Variants in MAGI1 observed in about 807,000 individuals in gnomAD.
MAGI1 encodes membrane associated guanylate kinase, WW and PDZ domain containing 1, also known as membrane-associated guanylate kinase, WW and PDZ domain-containing protein 1.
MAGI1 carries 58 observed loss-of-function variants against 139.9 expected under a neutral mutation model. The observed-to-expected ratio is 0.41, with a 90% CI of 0.34 to 0.52. The LOEUF (loss-of-function observed/expected upper bound fraction) is 0.52. Among genes scored for constraint, MAGI1 ranks in the 20% least tolerant of loss-of-function variants. The pLI is 0.12. For synonymous variants in MAGI1, 812 were observed against 737.9 expected, an observed-to-expected ratio of 1.10 and a Z score of -1.63; for missense variants, 1,874 against 1,901.6, an observed-to-expected ratio of 0.99 and a Z score of 0.27.
At chr3:65,486,639 G>A (rs1194405185) in intron 3 of MAGI1, among the ~76,000 whole-genome samples, 1 of 152,216 alleles carries the variant, frequency 6.6e-6, no homozygotes, top group African/African-American at 2.4e-5. Context: ...TGCCAATTCT[G>A]TTCAGTGACA....
At chr3:65,878,104 C>T (rs762709021) in intron 1 of MAGI1, among the ~76,000 whole-genome samples, 9 of 151,458 alleles carry the variant, frequency 5.9e-5, no homozygotes, top group Non-Finnish European at 1.2e-4. Context: ...GAGTGAGGTT[C>T]TGTCTCAAAA....
intron 1 of MAGI1, among the ~76,000 whole-genome samples, chr3:65,757,762 G>A (rs2036680556): frequency 6.6e-6 from 1 of 152,184 alleles, no homozygotes; most frequent in African/African-American, 2.4e-5. Context: ...TCAGCCACAT[G>A]ATTTAAAGAA....
At chr3:65,420,011 T>A (rs1946528449) in intron 12 of MAGI1, among the ~76,000 whole-genome samples, 1 of 152,152 alleles carries the variant, frequency 6.6e-6, no homozygotes, top group African/African-American at 2.4e-5. Context: ...ATCCTCTGTC[T>A]GCCCTACAGT....
rs536770807 is a variant in MAGI1 at position 65,601,003 on chromosome 3, C to T, written c.430+20969G>A. On this transcript the variant is annotated intron_variant, in intron 2 of 22. Transcript: ENST00000402939. Reference sequence around the variant, plus strand: ...AAATGAGAGTAAAAGGAGTTCCTGCCTCATGGAACTGTGATGAAGACTAAC... The same window carrying T: ...AAATGAGAGTAAAAGGAGTTCCTGCTTCATGGAACTGTGATGAAGACTAAC... 7.2e-5 allele frequency among the ~76,000 whole-genome samples: 11 copies of T among 152,224 alleles called. No homozygotes were observed. In the South Asian group the frequency reaches 1.7e-3, roughly 23 times the overall value.
At chr3:65,780,509 G>C (rs776458437) in intron 1 of MAGI1, among the ~76,000 whole-genome samples, 2 of 152,132 alleles carry the variant, frequency 1.3e-5, no homozygotes, top group Non-Finnish European at 2.9e-5. Flanking sequence ...GAGCCCTGGA[G>C]AGCTAACTTG....
Position 65,401,490 on chromosome 3 carries a change from G to C in MAGI1, c.2168-20C>G. ...GCAGCCCTGGAAAAAATGCAACAAG[G>C]AGGGGAGGGGGGAAGAAATCATTAG... On this transcript the variant is annotated intron_variant, in intron 12 of 22. Transcript: ENST00000402939. 1 of 1,610,846 alleles carries C rather than the reference G, an allele frequency of 6.2e-7. No individual in the cohort carries two copies. Among genetic ancestry groups the C allele is most frequent in the Non-Finnish European group, 8.5e-7 (1 of 1,178,580 alleles).
intron 1 of MAGI1, among the ~76,000 whole-genome samples, chr3:65,695,858 A>G (rs1045426032): frequency 3.9e-5 from 6 of 152,210 alleles, no homozygotes; most frequent in African/African-American, 1.4e-4. Flanking sequence ...GATGTCTGCC[A>G]TGAGTGTAGC....
chr3:65,457,514 G>A (rs1419984235), intron 5 of MAGI1, among the ~76,000 whole-genome samples: 1 of 152,068 alleles, frequency 6.6e-6, no homozygotes. Flanking sequence ...GCATTTTATA[G>A]TTTACAGTAT....
At chr3:65,719,017 C>CAAAAAAAAAAAAAAAAAAA (rs57290579) in intron 1 of MAGI1, among the ~76,000 whole-genome samples, 2 of 96,388 alleles carry the variant, frequency 2.1e-5, no homozygotes. Flanking sequence ...ATAACCCTAC[C>CAAAAAAAAAAAAAAAAAAA]AAAAAAAAAA....
At chr3:65,781,651 C>T (rs944504614) in intron 1 of MAGI1, among the ~76,000 whole-genome samples, 1 of 152,190 alleles carries the variant, frequency 6.6e-6, no homozygotes, top group Admixed American at 6.5e-5. Context: ...ACATTAAACT[C>T]GTATTATAGA....
chr3:65,375,987 G>T, intron 17 of MAGI1, 42 bp from the exon 18 acceptor site: 2 of 1,468,992 alleles, frequency 1.4e-6, no homozygotes, highest in South Asian at 1.2e-5. Flanking sequence ...AGTTACGTGG[G>T]AATATAGCAA....
chr3:65,742,802 C>G (rs879571030), intron 1 of MAGI1, among the ~76,000 whole-genome samples: 5 of 152,190 alleles, frequency 3.3e-5, no homozygotes, highest in Admixed American at 2.6e-4. Flanking sequence ...CTGTGAAAAC[C>G]TACAGCATTT....
chr3:65,556,080 G>C (rs762092248), intron 2 of MAGI1, among the ~76,000 whole-genome samples: 29 of 152,290 alleles, frequency 1.9e-4, no homozygotes, highest in Non-Finnish European at 3.5e-4. Flanking sequence ...GAGAGTTAGT[G>C]AATTAGTGTG....
At chr3:65,546,474 C>T (rs901172532) in intron 2 of MAGI1, among the ~76,000 whole-genome samples, 5 of 152,100 alleles carry the variant, frequency 3.3e-5, no homozygotes, top group Non-Finnish European at 5.9e-5. Flanking sequence ...CTTTTATAAG[C>T]AAATATTTTG....
At chr3:65,921,710 G>C (rs1265520579) in intron 1 of MAGI1, among the ~76,000 whole-genome samples, 2 of 152,088 alleles carry the variant, frequency 1.3e-5, no homozygotes, top group Non-Finnish European at 2.9e-5. Flanking sequence ...CTCAAGAAAA[G>C]GTCATTCCAC....
At chr3:65,682,076 C>T (rs749260576) in intron 1 of MAGI1, among the ~76,000 whole-genome samples, 3 of 151,878 alleles carry the variant, frequency 2.0e-5, no homozygotes, top group African/African-American at 4.8e-5. Context: ...TAGCTTTTAG[C>T]GTACTCAGAG....
At chr3:65,899,622 C>A (rs1411125548) in intron 1 of MAGI1, among the ~76,000 whole-genome samples, 2 of 152,150 alleles carry the variant, frequency 1.3e-5, no homozygotes, top group Admixed American at 1.3e-4. Context: ...GAGCTGAAAA[C>A]AGAAAGAACA....
chr3:65,632,021 T>C (rs947854222), intron 1 of MAGI1, among the ~76,000 whole-genome samples: 7 of 134,870 alleles, frequency 5.2e-5, no homozygotes, highest in African/African-American at 2.0e-4. Context: ...TGAGACTCCG[T>C]CTCAAAAAAA....
intron 1 of MAGI1, among the ~76,000 whole-genome samples, chr3:65,843,038 A>ATG (rs936398890): frequency 1.3e-5 from 2 of 152,174 alleles, no homozygotes; most frequent in Non-Finnish European, 2.9e-5. Context: ...GTCTTCAATG[A>ATG]TCCCCACCTC....
Sources: allele counts gnomAD v4.1 joint callset (sites outside exome capture counted in the v4.1 genomes callset), GRCh38; gene constraint gnomAD v4.1.1; transcripts MANE v1.5; gene names NCBI Gene and HGNC (gene_info 2026-07-23, HGNC 2026-07-21).